RALY: variants seen among roughly 807,000 people sequenced by gnomAD.
The protein encoded by RALY is RNA-binding protein Raly.
A neutral mutation model predicts 30.7 loss-of-function variants in RALY; 15 were observed. That is an observed-to-expected ratio of 0.49 (90% CI 0.33 to 0.75). The LOEUF (loss-of-function observed/expected upper bound fraction) is 0.75, where lower values mean the gene tolerates loss of function less well. Among genes scored for constraint, RALY ranks in the 30% least tolerant of loss-of-function variants. The pLI is 0.02. For missense variants in RALY, 339 were observed against 414.3 expected, an observed-to-expected ratio of 0.82 and a Z score of 1.58; for synonymous variants, 177 against 170.8, an observed-to-expected ratio of 1.04 and a Z score of -0.28.
intron 8 of RALY, 186 bp downstream of exon 8, chr20:34,077,431 C>A: frequency 2.2e-6 from 3 of 1,348,170 alleles, no homozygotes; most frequent in South Asian, 2.9e-5. Context: ...ATCTCAGACA[C>A]CATCAGAAGT....
chr20:34,072,926 TGTA>T (rs1331961773), intron 3 of RALY, among the ~76,000 whole-genome samples: 1 of 118,694 alleles, frequency 8.4e-6, no homozygotes, highest in Non-Finnish European at 1.8e-5. Context: ...TATGTATAGA[TGTA>T]GTGTGTGTGT....
intron 2 of RALY, among the ~76,000 whole-genome samples, chr20:34,044,860 C>T (rs1189137895): frequency 6.6e-6 from 1 of 152,140 alleles, no homozygotes; most frequent in African/African-American, 2.4e-5. Flanking sequence ...TGATACTGCC[C>T]ATAGAACTGG....
chr20:34,004,188 GA>G (rs2031056737), intron 1 of RALY, among the ~76,000 whole-genome samples: 1 of 152,232 alleles, frequency 6.6e-6, no homozygotes, highest in South Asian at 2.1e-4. Flanking sequence ...AGGAGGGGCA[GA>G]GGGGGAGTTC....
chr20:34,067,279 T>A (rs2033601031), intron 2 of RALY, among the ~76,000 whole-genome samples: 1 of 152,170 alleles, frequency 6.6e-6, no homozygotes, highest in African/African-American at 2.4e-5. Flanking sequence ...TTCTCCTGCC[T>A]CAGCCTCCCA....
chr20:34,019,349 T>C (rs2123046929), intron 1 of RALY, among the ~76,000 whole-genome samples: 1 of 151,286 alleles, frequency 6.6e-6, no homozygotes, highest in African/African-American at 2.4e-5. Flanking sequence ...AAAAGGATCC[T>C]TCTGCTCTTC....
In RALY at chr20:34,084,257, G is replaced by C. The variant is rs1017695447; in HGVS notation, c.*4352G>C. The C allele has an allele frequency of 6.6e-6, 1 of 152,164 alleles. No homozygotes were observed. The highest frequency in any genetic ancestry group is 2.4e-5 in the African/African-American group (1 of 41,426). The allele number at this position is 152,164 out of a possible 1,614,324, so 9.4% of individuals were successfully genotyped here. A position where few individuals can be genotyped will look rare whatever the true frequency, so the allele number is the denominator to read the frequency against. ...GATCATTTGCACCTAGGAGGTTAAT[G>C]CTGCGGTGAGCCATGATCCTGCCGC... On this transcript the variant is annotated 3_prime_UTR_variant, in exon 10 of 10. Transcript: ENST00000246194.
intron 2 of RALY, among the ~76,000 whole-genome samples, chr20:34,060,739 C>G (rs2033391284): frequency 1.3e-5 from 2 of 152,174 alleles, no homozygotes; most frequent in Non-Finnish European, 2.9e-5. Context: ...GTATTTAACT[C>G]CTACACACAG....
rs369744391 is a variant in RALY at position 34,011,017 on chromosome 20, A to G, written c.-93+16886A>G. On this transcript the variant is annotated intron_variant, in intron 1 of 9. Transcript: ENST00000246194. The stretch of plus-strand genomic sequence containing the variant: ...ATAGGATCTAAGTATTTTTTGAGTG[A>G]ATGAATAAACTGGGTGGGGGGGGGG... Among the ~76,000 whole-genome samples the G allele has an allele frequency of 4.6e-3, 484 of 106,158 alleles. 2 individuals are homozygous for G. The highest frequency in any genetic ancestry group is 0.019 in the African/African-American group (446 of 23,466). 69.6% of individuals were successfully genotyped at this position (106,158 alleles called of 152,430 possible).
chr20:34,012,853 A>G (rs989737239), intron 1 of RALY, among the ~76,000 whole-genome samples: 2 of 152,236 alleles, frequency 1.3e-5, no homozygotes, highest in Non-Finnish European at 2.9e-5. Flanking sequence ...TCTGCCCAGT[A>G]GAAGGTTCCC....
At chr20:34,077,005 C>A in intron 7 of RALY, 23 bp from the exon 8 acceptor site, 1 of 1,610,444 alleles carries the variant, frequency 6.2e-7, no homozygotes, top group East Asian at 2.2e-5. Context: ...TTATTCTCCC[C>A]TCCTCCACCC....
chr20:34,016,998 T>C (rs1419329376), intron 1 of RALY, among the ~76,000 whole-genome samples: 1 of 142,912 alleles, frequency 7.0e-6, no homozygotes, highest in Non-Finnish European at 1.5e-5. Flanking sequence ...CTGGTTACAC[T>C]TGTCAATACA....
intron 1 of RALY, among the ~76,000 whole-genome samples, chr20:33,994,516 G>A (rs112877510): frequency 6.6e-6 from 1 of 152,364 alleles, no homozygotes; most frequent in Non-Finnish European, 1.5e-5. Context: ...GCTGCTCCGG[G>A]GAGGCCGCAG....
chr20:34,073,935 G>T, intron 5 of RALY, 69 bp downstream of exon 5: 1 of 1,538,930 alleles, frequency 6.5e-7, no homozygotes. Context: ...GATTGTTGGT[G>T]CAGCCCACTG....
chr20:34,014,781 T>C (rs1311627386), intron 1 of RALY, among the ~76,000 whole-genome samples: 2 of 152,242 alleles, frequency 1.3e-5, no homozygotes, highest in Non-Finnish European at 2.9e-5. Flanking sequence ...AGTCTTACAT[T>C]TAAACTTTTT....
rs1469422917 is a variant in RALY at position 34,077,105 on chromosome 20, G to T, written c.736G>T (p.Gly246Cys). The T allele has an allele frequency of 2.5e-6, 4 of 1,596,902 alleles. No homozygotes were observed. Among genetic ancestry groups the T allele is most frequent in the Non-Finnish European group, 8.5e-7 (1 of 1,169,768 alleles). ...TGGCAGCGGTGGCGGTGGCAGTGGT[G>T]GTGGCGGTGGCGGTGGCAGCAGCCG... is the stretch of plus-strand genomic sequence containing the variant. ...GGGSGGGGSG[G>C]GGGGGSSRPP... The change falls in exon 8 of 10, where the codon GGT becomes TGT. Residue 246 changes from glycine to cysteine, a missense_variant. By Grantham distance (159) the Gly-to-Cys change is radical (BLOSUM62 -3). Around this residue, in one of 2 missense-constraint regions of RALY, gnomAD observed 268 missense variants for 280.6 expected, o/e 0.95. Transcript: ENST00000246194.
chr20:34,014,604 G>GA (rs956451502), intron 1 of RALY, among the ~76,000 whole-genome samples: 2 of 151,722 alleles, frequency 1.3e-5, no homozygotes, highest in Non-Finnish European at 1.5e-5. Context: ...ATCCCTCAGG[G>GA]AAAAAAAATT....
At chr20:34,068,688 T>C (rs1171003765) in intron 2 of RALY, among the ~76,000 whole-genome samples, 6 of 152,236 alleles carry the variant, frequency 3.9e-5, no homozygotes, top group Admixed American at 2.6e-4. Context: ...TGGAATACCA[T>C]GTCTTAATTT....
At chr20:33,997,449 C>T (rs1405867413) in intron 1 of RALY, among the ~76,000 whole-genome samples, 1 of 152,146 alleles carries the variant, frequency 6.6e-6, no homozygotes, top group Non-Finnish European at 1.5e-5. Context: ...AGATAACTCC[C>T]CACCCTCACC....
At chr20:34,058,678 C>A (rs2033328441) in intron 2 of RALY, among the ~76,000 whole-genome samples, 1 of 152,182 alleles carries the variant, frequency 6.6e-6, no homozygotes, top group African/African-American at 2.4e-5. Flanking sequence ...TAATAGAGAA[C>A]ATTGGCTCAA....
Sources: allele counts gnomAD v4.1 joint callset (sites outside exome capture counted in the v4.1 genomes callset), GRCh38; gene constraint gnomAD v4.1.1; regional missense constraint gnomAD v4.1.1; transcripts MANE v1.5; gene names NCBI Gene and HGNC (gene_info 2026-07-23, HGNC 2026-07-21).